KAT5: variants seen among roughly 807,000 people sequenced by gnomAD.
KAT5 encodes lysine acetyltransferase 5.
Under a neutral mutation model 68.1 loss-of-function variants are expected in KAT5, and 31 were observed. That is an observed-to-expected ratio of 0.46 (90% confidence interval 0.34 to 0.61). KAT5 has a LOEUF of 0.61. KAT5 is among the 20% of genes least tolerant of loss of function. The pLI is 0.01. For synonymous variants in KAT5, 365 were observed against 292.6 expected, an observed-to-expected ratio of 1.25 and a Z score of -2.52; for missense variants, 451 against 725.5, an observed-to-expected ratio of 0.62 and a Z score of 4.35.
At position 65,712,984 on chromosome 11, in the gene KAT5, C is replaced by T. The variant is rs775415646; in HGVS notation, c.310C>T (p.Pro104Ser). 6.2e-7 allele frequency: 1 copy of T among 1,613,936 alleles called. No individual in the cohort carries two copies. The highest frequency in any genetic ancestry group is 8.5e-7 in the Non-Finnish European group (1 of 1,180,034). ...GCTGGACCTAAAGAAGATCCAGTTC[C>T]CCAAGAAAGAGGCCAAGACCCCCAC... ...ERLDLKKIQF[P>S]KKEAKTPTKN... Residue 104 changes from proline to serine, a missense_variant, in exon 3 of 13, where the codon CCC becomes TCC. By Grantham distance (74) the Pro-to-Ser change is moderately conservative. Transcript: ENST00000341318.
In KAT5 at chr11:65,718,965, A is replaced by G; in HGVS notation, c.1506+11A>G. On this transcript the variant is annotated intron_variant, in intron 12 of 12. Coordinates refer to ENST00000341318, the MANE Select transcript of KAT5 (RefSeq NM_182710.3). ...ATCAACTACTACAAGGTAGGGAGGC[A>G]GGCAGGGGAGACAGGTGTGTGGGAT... is the stretch of plus-strand genomic sequence containing the variant. 6.2e-7 allele frequency: 1 copy of G among 1,614,164 alleles called. No individual in the cohort carries two copies. Among genetic ancestry groups the G allele is most frequent in the East Asian group, 2.2e-5 (1 of 44,888 alleles).
In KAT5 at chr11:65,713,076, T is replaced by C; in HGVS notation, c.384+18T>C. The C allele has an allele frequency of 1.2e-6, 2 of 1,612,082 alleles. No individual in the cohort carries two copies. The highest frequency in any genetic ancestry group is 2.7e-5 in the African/African-American group (2 of 74,938). ...GAGAGGTGGTGAGTAGGTCCCCCAC[T>C]TCACCTTTTCTCTCCTGCCTCCTAT... On this transcript the variant is annotated intron_variant, in intron 3 of 12. Coordinates refer to ENST00000341318, the MANE Select transcript of KAT5 (RefSeq NM_182710.3).
At chr11:65,713,168 C>A in intron 3 of KAT5, 110 bp downstream of exon 3, 1 of 1,450,458 alleles carries the variant, frequency 6.9e-7, no homozygotes, top group Non-Finnish European at 9.5e-7. Flanking sequence ...ACCCTGACTT[C>A]ATCTTGCAAA....
In KAT5 at chr11:65,718,959, G is replaced by A; in HGVS notation, c.1506+5G>A. On this transcript the variant is annotated splice_donor_5th_base_variant and intron_variant, in intron 12 of 12. Transcript: ENST00000341318. ...AATCTCATCAACTACTACAAGGTAG[G>A]GAGGCAGGCAGGGGAGACAGGTGTG... 1 of 1,614,122 alleles carries A rather than the reference G, an allele frequency of 6.2e-7. No individual in the cohort carries two copies. Among genetic ancestry groups the A allele is most frequent in the Non-Finnish European group, 8.5e-7 (1 of 1,179,982 alleles).
Position 65,713,787 on chromosome 11 carries a change from G to T in KAT5, c.629G>T (p.Arg210Leu). Residue 210 changes from arginine to leucine, a missense_variant, in exon 6 of 13, where the codon CGT becomes CTT. By Grantham distance (102) the Arg-to-Leu change is moderately radical. Transcript: ENST00000341318. Reference protein sequence around the residue: ...ASVFPQNGAARRAVAAQPGRK... With the variant: ...ASVFPQNGAALRAVAAQPGRK... ...CTATCTCGGCAGAATGGAGCCGCCC[G>T]TAGGGCAGTGGCAGCCCAGCCAGGA... 6.2e-7 allele frequency: 1 copy of T among 1,610,682 alleles called. No individual in the cohort carries two copies. Among genetic ancestry groups the T allele is most frequent in the Non-Finnish European group, 8.5e-7 (1 of 1,178,482 alleles).
rs1357725654 is a variant in KAT5 at position 65,712,277 on chromosome 11, G to T, written c.10G>T (p.Val4Leu). 7.7e-6 allele frequency: 11 copies of T among 1,426,402 alleles called. No homozygotes were observed. The highest frequency in any genetic ancestry group is 4.5e-4 in the Middle Eastern group (2 of 4,422). The allele number at this position is 1,426,402 out of a possible 1,614,324, so 88.4% of individuals were successfully genotyped here. MAEVVSPVPGAGRR... is the reference protein window; with the variant it reads MAELVSPVPGAGRR... ...AGTGGAGGGAGGGAAGATGGCGGAG[G>T]TGGTGAGTCCGGTGCCCGGGGCGGG... Residue 4 changes from valine (V) to leucine (L), a missense_variant, in exon 1 of 13, where the codon GTG becomes TTG. Coordinates refer to ENST00000341318, the MANE Select transcript of KAT5 (RefSeq NM_182710.3).
chr11:65,718,402 G>A (rs1017841537), intron 10 of KAT5, 188 bp from the exon 11 acceptor site: 15 of 630,622 alleles, frequency 2.4e-5, no homozygotes, highest in African/African-American at 1.3e-4. Context: ...TGTGCTCAGC[G>A]CACGGAAAGA....
intron 10 of KAT5, chr11:65,717,190 T>G: frequency 1.7e-6 from 1 of 596,812 alleles, no homozygotes; most frequent in South Asian, 2.0e-5. Context: ...GCCCCCCAGT[T>G]TGCTCCTTGG....
Position 65,713,035 on chromosome 11 carries a change from C to T in KAT5, c.361C>T (p.Pro121Ser). 1 of 1,613,360 alleles carries T rather than the reference C, an allele frequency of 6.2e-7. No individual in the cohort carries two copies. The highest frequency in any genetic ancestry group is 8.5e-7 in the Non-Finnish European group (1 of 1,180,026). Residue 121 changes from proline (P) to serine (S), a missense_variant, in exon 3 of 13, where the codon CCT becomes TCT. Coordinates refer to ENST00000341318, the MANE Select transcript of KAT5 (RefSeq NM_182710.3). ...PTKNGLPGSR[P>S]GSPEREVPAS... ...TAAGAACGGACTTCCTGGGTCCCGT[C>T]CTGGCTCTCCAGAGAGAGAGGTGGT... is the stretch of plus-strand genomic sequence containing the variant.
Position 65,719,549 on chromosome 11 carries a change from A to G in KAT5, c.*368A>G. 5 of 621,212 alleles carry G rather than the reference A, an allele frequency of 8.0e-6. No individual in the cohort carries two copies. Among genetic ancestry groups the G allele is most frequent in the Non-Finnish European group, 1.4e-5 (5 of 353,826 alleles). 38.5% of individuals were successfully genotyped at this position (621,212 alleles called of 1,614,324 possible). A position where few individuals can be genotyped will look rare whatever the true frequency, so the allele number is the denominator to read the frequency against. ...GGTGGGGTGGGTGCTGGCTGCAAAA[A>G]TTTCTGGCTTCTCTTACCCCTATTG... On this transcript the variant is annotated 3_prime_UTR_variant, in exon 13 of 13. Transcript: ENST00000341318.
Position 65,712,403 on chromosome 11 carries a change from C to G in KAT5, c.136C>G (p.Leu46Val). ...GGGGGAGATAATCGAGGGCTGCCGC[C>G]TACCCGTGCTGCGGCGGAACCAGGA... is the stretch of plus-strand genomic sequence containing the variant. The part of the protein sequence containing the change: ...PQGEIIEGCR[L>V]PVLRRNQDNE... The change falls in exon 1 of 13, where the codon CTA becomes GTA. Residue 46 changes from leucine to valine, a missense_variant. This residue lies in a region of KAT5 where 104 missense variants were observed against 107.3 expected (regional missense o/e 0.97). Transcript: ENST00000341318. 6.3e-7 allele frequency: 1 copy of G among 1,588,380 alleles called. No individual in the cohort carries two copies. Among genetic ancestry groups the G allele is most frequent in the Non-Finnish European group, 8.5e-7 (1 of 1,172,880 alleles).
chr11:65,717,169 G>A, intron 10 of KAT5, 187 bp downstream of exon 10: 1 of 609,802 alleles, frequency 1.6e-6, no homozygotes, highest in Non-Finnish European at 2.9e-6. Context: ...CTTATCTGGG[G>A]TAGGTTCTCA....
chr11:65,712,737 T>G (rs1469272812), intron 1 of KAT5, 29 bp from the exon 2 acceptor site: 1 of 1,612,836 alleles, frequency 6.2e-7, no homozygotes, highest in South Asian at 1.1e-5. Flanking sequence ...CTGGCCTGTC[T>G]AAGGCCCCTG....
At chr11:65,713,531 C>T (rs200031362) in intron 4 of KAT5, 28 bp downstream of exon 4, 7 of 1,613,990 alleles carry the variant, frequency 4.3e-6, no homozygotes, top group African/African-American at 1.3e-5. Flanking sequence ...AGGGACCTTG[C>T]TTTCTTCTCA....
chr11:65,716,861 C>T lies in KAT5; in HGVS notation c.1171-28C>T, dbSNP rs56757675. 2.5e-6 allele frequency: 4 copies of T among 1,613,682 alleles called. No homozygotes were observed. In the African/African-American group the frequency reaches 4.0e-5, roughly 16 times the overall value. On this transcript the variant is annotated intron_variant, in intron 9 of 12. Transcript: ENST00000341318. ...CCCTGTCCTGAGCCAGATCCCTTCCCTGACACTCACCTGTCCCCCTTCTCC... is the reference window on the plus strand; with the variant it reads ...CCCTGTCCTGAGCCAGATCCCTTCCTTGACACTCACCTGTCCCCCTTCTCC...
At chr11:65,717,291 G>A in intron 10 of KAT5, 1 of 493,948 alleles carries the variant, frequency 2.0e-6, no homozygotes, top group Middle Eastern at 5.6e-4. Context: ...AGCCGCTGGT[G>A]CTGATGTATC....
At chr11:65,716,485 C>T (rs1027823531) in intron 8 of KAT5, 182 bp from the exon 9 acceptor site, 3 of 612,018 alleles carry the variant, frequency 4.9e-6, no homozygotes, top group South Asian at 3.9e-5. Flanking sequence ...CTTTTCAACA[C>T]TGAGGAGCAG....
chr11:65,712,906 A>G lies in KAT5; in HGVS notation c.248-16A>G. ...AGTCTTTGGCATTCTGTCCTGAGCC[A>G]TCCCCACTGCTACAGTCAACAAACG... On this transcript the variant is annotated splice_polypyrimidine_tract_variant and intron_variant, in intron 2 of 12. Coordinates refer to ENST00000341318, the MANE Select transcript of KAT5 (RefSeq NM_182710.3). 6.2e-7 allele frequency: 1 copy of G among 1,614,148 alleles called. No homozygotes were observed.
At chr11:65,714,974 T>TA in intron 8 of KAT5, 64 bp downstream of exon 8, 2 of 1,417,220 alleles carry the variant, frequency 1.4e-6, no homozygotes, top group Non-Finnish European at 2.0e-6. Context: ...CTTGCTCAGG[T>TA]AAACACTGAC....
Sources: gnomAD v4.1 joint callset for allele counts on GRCh38, gnomAD v4.1.1 for gene constraint, gnomAD v4.1.1 regional missense constraint, MANE v1.5 for transcripts, NCBI Gene and HGNC (gene_info 2026-07-23, HGNC 2026-07-21) for gene names.